Variants in AIDA observed in about 807,000 individuals in gnomAD.
AIDA encodes axin interactor, dorsalization associated.
Under a neutral mutation model 42.7 loss-of-function variants are expected in AIDA, and 18 were observed. That is an observed-to-expected ratio of 0.42 (90% CI 0.29 to 0.63). AIDA has a LOEUF of 0.63. AIDA is among the 20% of genes least tolerant of loss of function. The probability of loss-of-function intolerance (pLI) is 0.19; values close to 1 mark genes in which losing one functional copy is unlikely to be tolerated. For missense variants in AIDA, 250 were observed against 354.1 expected (o/e 0.71, Z 2.36); for synonymous variants, 104 against 122.9 (o/e 0.85, Z 1.02).
chr1:222,710,621 T>C (rs530192711), intron 1 of AIDA, among the ~76,000 whole-genome samples: 1 of 152,318 alleles, frequency 6.6e-6, no homozygotes, highest in Admixed American at 6.5e-5. Flanking sequence ...AAGGGTGTGT[T>C]CTCCAGTAAT....
At chr1:222,706,941 A>G (rs1655855299) in intron 1 of AIDA, among the ~76,000 whole-genome samples, 1 of 151,792 alleles carries the variant, frequency 6.6e-6, no homozygotes, top group African/African-American at 2.4e-5. Flanking sequence ...TAGAGACAAA[A>G]TGTAGATCAG....
At chr1:222,690,684 A>G (rs1378679328) in intron 4 of AIDA, among the ~76,000 whole-genome samples, 1 of 26,336 alleles carries the variant, frequency 3.8e-5, no homozygotes, top group Non-Finnish European at 6.5e-5. Flanking sequence ...TTATATGTAT[A>G]TAATCTTATA....
At chr1:222,699,665 A>C (rs529418906) in intron 2 of AIDA, among the ~76,000 whole-genome samples, 1 of 152,272 alleles carries the variant, frequency 6.6e-6, no homozygotes, top group South Asian at 2.1e-4. Flanking sequence ...ATTAACTTAG[A>C]GCCTCTGATA....
At chr1:222,705,700 T>G (rs1004216654) in intron 1 of AIDA, among the ~76,000 whole-genome samples, 1 of 152,062 alleles carries the variant, frequency 6.6e-6, no homozygotes, top group Admixed American at 6.5e-5. Context: ...CTAGCCAACA[T>G]GGTGAAACCC....
intron 8 of AIDA, among the ~76,000 whole-genome samples, chr1:222,671,611 A>G (rs1414822289): frequency 3.3e-5 from 5 of 152,184 alleles, no homozygotes; most frequent in Admixed American, 6.5e-5. Context: ...AAAAAAACCA[A>G]TTGCTCAGGA....
At chr1:222,702,541 A>G (rs1396596877) in intron 2 of AIDA, among the ~76,000 whole-genome samples, 2 of 152,204 alleles carry the variant, frequency 1.3e-5, no homozygotes, top group East Asian at 1.9e-4. Flanking sequence ...TGACACACAA[A>G]AAATTTAATT....
intron 7 of AIDA, 140 bp downstream of exon 7, chr1:222,675,956 T>C: frequency 3.5e-6 from 3 of 869,500 alleles, no homozygotes; most frequent in South Asian, 2.9e-5. Context: ...TCCAGGGACT[T>C]TGCCTCATGA....
At chr1:222,697,642 C>A (rs2124964262) in intron 2 of AIDA, among the ~76,000 whole-genome samples, 1 of 151,808 alleles carries the variant, frequency 6.6e-6, no homozygotes, top group South Asian at 2.1e-4. Context: ...ATTGACAGCT[C>A]AAAAGATCAG....
intron 1 of AIDA, among the ~76,000 whole-genome samples, chr1:222,706,850 G>A (rs558593396): frequency 1.8e-5 from 2 of 110,658 alleles, no homozygotes; most frequent in Admixed American, 1.0e-4. Flanking sequence ...GTGGGACTGC[G>A]CCTCAAAAAA....
intron 7 of AIDA, 84 bp from the exon 8 acceptor site, chr1:222,673,519 G>C: frequency 8.2e-7 from 1 of 1,213,930 alleles, no homozygotes; most frequent in Non-Finnish European, 1.1e-6. Context: ...GCTCACGCCT[G>C]TAATCCTAGC....
chr1:222,712,135 A>C, intron 1 of AIDA, 73 bp downstream of exon 1: 1 of 1,545,900 alleles, frequency 6.5e-7, no homozygotes, highest in Non-Finnish European at 8.7e-7. Flanking sequence ...CGGTGATGAG[A>C]GACACCGACA....
chr1:222,710,482 C>A (rs1004669555), intron 1 of AIDA, among the ~76,000 whole-genome samples: 2 of 152,202 alleles, frequency 1.3e-5, no homozygotes, highest in Admixed American at 1.3e-4. Flanking sequence ...AAGTCGGCTG[C>A]CCAGTGTCAA....
At chr1:222,697,068 G>A (rs962677488) in intron 2 of AIDA, among the ~76,000 whole-genome samples, 4 of 151,826 alleles carry the variant, frequency 2.6e-5, no homozygotes, top group Non-Finnish European at 4.4e-5. Context: ...TCAGCCTCTC[G>A]AGTAGCTGGG....
intron 1 of AIDA, among the ~76,000 whole-genome samples, chr1:222,706,187 A>T (rs1655834026): frequency 6.6e-6 from 1 of 152,230 alleles, no homozygotes; most frequent in Admixed American, 6.5e-5. Context: ...TGCTGGTGAT[A>T]TGAAGAGACT....
intron 6 of AIDA, among the ~76,000 whole-genome samples, chr1:222,684,319 C>T (rs1484398959): frequency 6.6e-6 from 1 of 152,026 alleles, no homozygotes; most frequent in African/African-American, 2.4e-5. Context: ...ACCATGTTGG[C>T]CAGGCTGGTC....
intron 4 of AIDA, among the ~76,000 whole-genome samples, chr1:222,691,232 C>G (rs926329531): frequency 6.6e-6 from 1 of 151,990 alleles, no homozygotes; most frequent in African/African-American, 2.4e-5. Context: ...ACAACAAAGG[C>G]TCTGAGGCAG....
At chr1:222,683,813 GGCTAA>G (rs1453670608) in intron 6 of AIDA, among the ~76,000 whole-genome samples, 1 of 151,896 alleles carries the variant, frequency 6.6e-6, no homozygotes. Context: ...CTCCCATTTT[GGCTAA>G]GCCAATTATA....
chr1:222,710,985 T>C (rs1367148627), intron 1 of AIDA, among the ~76,000 whole-genome samples: 2 of 151,972 alleles, frequency 1.3e-5, no homozygotes, highest in Non-Finnish European at 2.9e-5. Flanking sequence ...ATTTAAATTA[T>C]CTTAATAGAT....
intron 8 of AIDA, among the ~76,000 whole-genome samples, chr1:222,671,498 T>C (rs3008633): frequency 0.77 from 117,181 of 152,082 alleles, 48,089 homozygotes; most frequent in Non-Finnish European, 0.89. Context: ...CTGCCGCTGA[T>C]GACAAAACTC....
Sources: gnomAD v4.1 joint callset for allele counts (sites outside exome capture counted in the v4.1 genomes callset) on GRCh38, gnomAD v4.1.1 for gene constraint, MANE v1.5 for transcripts, NCBI Gene and HGNC (gene_info 2026-07-23, HGNC 2026-07-21) for gene names.